The following CTNND2 variants were observed in gnomAD, a reference collection of about 807,000 sequenced individuals.
The protein encoded by CTNND2 is catenin delta 2, also known as catenin delta-2.
In CTNND2, 22 loss-of-function variants were observed where a neutral mutation model predicts 144.4. The ratio of observed to expected loss-of-function variants is 0.15; its 90% CI spans 0.11 to 0.22. The LOEUF is 0.22. CTNND2 is among the 10% of genes least tolerant of loss of function. The probability of loss-of-function intolerance (pLI) is 1.00; values close to 1 mark genes in which losing one functional copy is unlikely to be tolerated. For missense variants in CTNND2, 1,353 were observed against 1,618.8 expected, an observed-to-expected ratio of 0.84 and a Z score of 2.82; for synonymous variants, 751 against 695.6, an observed-to-expected ratio of 1.08 and a Z score of -1.25.
chr5:10,998,994 T>C (rs1005123934), intron 18 of CTNND2, among the ~76,000 whole-genome samples: 3 of 152,162 alleles, frequency 2.0e-5, no homozygotes, highest in African/African-American at 7.2e-5. Context: ...CATGGAACAC[T>C]AGATGCTAGA....
At chr5:11,601,122 T>C (rs1477604286) in intron 2 of CTNND2, among the ~76,000 whole-genome samples, 3 of 152,188 alleles carry the variant, frequency 2.0e-5, no homozygotes, top group South Asian at 2.1e-4. Context: ...AACTAAGGAC[T>C]ATGCGAATAA....
chr5:11,183,170 A>G (rs993779702), intron 11 of CTNND2, among the ~76,000 whole-genome samples: 1 of 152,260 alleles, frequency 6.6e-6, no homozygotes, highest in East Asian at 1.9e-4. Flanking sequence ...ATACACTTCA[A>G]TAACTAAGTT....
intron 1 of CTNND2, among the ~76,000 whole-genome samples, chr5:11,756,655 C>T (rs866987726): frequency 4.1e-5 from 6 of 146,302 alleles, no homozygotes; most frequent in African/African-American, 1.5e-4. Context: ...CATACACACA[C>T]ACACACACAC....
intron 15 of CTNND2, among the ~76,000 whole-genome samples, chr5:11,089,450 A>AC (rs774981257): frequency 1.2e-4 from 19 of 152,246 alleles, no homozygotes; most frequent in Non-Finnish European, 2.8e-4. Flanking sequence ...CACTTTGTTT[A>AC]CATGTTTACC....
intron 2 of CTNND2, among the ~76,000 whole-genome samples, chr5:11,662,000 AACACACACATATAT>A (rs1783234084): frequency 6.7e-6 from 1 of 150,250 alleles, no homozygotes; most frequent in African/African-American, 2.5e-5. Flanking sequence ...CACACACACA[AACACACACATATAT>A]ACACACACAC....
At chr5:11,604,596 C>T (rs1779960768) in intron 2 of CTNND2, among the ~76,000 whole-genome samples, 1 of 152,202 alleles carries the variant, frequency 6.6e-6, no homozygotes, top group South Asian at 2.1e-4. Context: ...CCATATTCTT[C>T]TGCCATCTAC....
At chr5:11,412,669 A>AT (rs1192542281) in intron 3 of CTNND2, among the ~76,000 whole-genome samples, 1 of 152,184 alleles carries the variant, frequency 6.6e-6, no homozygotes, top group East Asian at 1.9e-4. Context: ...AAGATACTGT[A>AT]TAGAGTGGTT....
intron 1 of CTNND2, among the ~76,000 whole-genome samples, chr5:11,862,372 C>A (rs905092788): frequency 6.6e-6 from 1 of 152,120 alleles, no homozygotes; most frequent in Non-Finnish European, 1.5e-5. Flanking sequence ...AATTTTGGGA[C>A]GGTTCCCTCT....
intron 9 of CTNND2, among the ~76,000 whole-genome samples, chr5:11,286,383 T>C (rs900055723): frequency 6.6e-6 from 1 of 152,168 alleles, no homozygotes; most frequent in Non-Finnish European, 1.5e-5. Context: ...TCTTAAGTTA[T>C]TAAAAACTCA....
intron 11 of CTNND2, among the ~76,000 whole-genome samples, chr5:11,163,022 A>G (rs1758952440): frequency 1.3e-5 from 2 of 152,120 alleles, no homozygotes; most frequent in African/African-American, 4.8e-5. Flanking sequence ...TTTTTCCTCA[A>G]ACTTTTACTT....
chr5:11,800,828 T>C (rs1005284463), intron 1 of CTNND2, among the ~76,000 whole-genome samples: 3 of 152,174 alleles, frequency 2.0e-5, no homozygotes, highest in Admixed American at 6.5e-5. Flanking sequence ...GATAAAGTAA[T>C]AGATACTTTA....
intron 16 of CTNND2, among the ~76,000 whole-genome samples, chr5:11,028,224 C>T (rs1420848272): frequency 1.3e-5 from 2 of 152,128 alleles, no homozygotes; most frequent in Non-Finnish European, 2.9e-5. Flanking sequence ...GTCAGCTGGA[C>T]TGGAGAGCAA....
At chr5:11,296,751 C>G (rs1461207568) in intron 9 of CTNND2, among the ~76,000 whole-genome samples, 2 of 152,080 alleles carry the variant, frequency 1.3e-5, no homozygotes, top group Admixed American at 1.3e-4. Context: ...GCAAACTCTG[C>G]ATGTTCTCAC....
At chr5:11,742,512 C>T (rs190159124) in intron 1 of CTNND2, among the ~76,000 whole-genome samples, 3 of 151,994 alleles carry the variant, frequency 2.0e-5, no homozygotes, top group Non-Finnish European at 4.4e-5. Context: ...GAGAATACCC[C>T]CCTCCCTGTT....
intron 7 of CTNND2, among the ~76,000 whole-genome samples, chr5:11,371,452 A>G (rs1757473314): frequency 6.6e-6 from 1 of 152,228 alleles, no homozygotes; most frequent in South Asian, 2.1e-4. Flanking sequence ...CAAAGAAGGC[A>G]CATTAAGAAA....
chr5:11,098,449 T>C lies in CTNND2; in HGVS notation c.2637+126A>G, dbSNP rs56984210. The stretch of plus-strand genomic sequence containing the variant: ...TTCCAAGTAAAACAGTTCAATATAA[T>C]TTTTTTTTCTCTAACATCCTAGAAA... On this transcript the variant is annotated intron_variant, in intron 15 of 21. Transcript: ENST00000304623. 13,133 of 798,020 alleles carry C rather than the reference T, an allele frequency of 0.016. 1,133 individuals are homozygous for C. In the African/African-American group the frequency reaches 0.2, roughly 12 times the overall value. 49.4% of individuals were successfully genotyped at this position (798,020 alleles called of 1,614,324 possible). A position where few individuals can be genotyped will look rare whatever the true frequency, so the allele number is the denominator to read the frequency against.
chr5:11,673,803 G>A (rs1199084371), intron 2 of CTNND2, among the ~76,000 whole-genome samples: 24 of 152,238 alleles, frequency 1.6e-4, no homozygotes, highest in South Asian at 6.2e-4. Context: ...GATAAATAGC[G>A]TTATCTAAAT....
At chr5:11,183,964 C>T (rs1348819844) in intron 11 of CTNND2, among the ~76,000 whole-genome samples, 3 of 152,194 alleles carry the variant, frequency 2.0e-5, no homozygotes, top group African/African-American at 7.2e-5. Flanking sequence ...CACAAGCATG[C>T]GTAGAACCAA....
At chr5:11,060,623 C>T (rs1704437241) in intron 16 of CTNND2, among the ~76,000 whole-genome samples, 1 of 152,138 alleles carries the variant, frequency 6.6e-6, no homozygotes, top group Non-Finnish European at 1.5e-5. Flanking sequence ...AGCCAAGATG[C>T]CTCAACAGTA....
Sources: allele counts gnomAD v4.1 joint callset (sites outside exome capture counted in the v4.1 genomes callset), GRCh38; gene constraint gnomAD v4.1.1; transcripts MANE v1.5; gene names NCBI Gene and HGNC (gene_info 2026-07-23, HGNC 2026-07-21).